SLC12A1: variants seen among roughly 807,000 people sequenced by gnomAD.
SLC12A1 encodes solute carrier family 12 member 1.
A neutral mutation model predicts 130.4 loss-of-function variants in SLC12A1; 89 were observed. The ratio of observed to expected loss-of-function variants is 0.68; its 90% CI spans 0.58 to 0.81. The LOEUF (loss-of-function observed/expected upper bound fraction) is 0.81, where lower values mean the gene tolerates loss of function less well. Ranked by LOEUF, SLC12A1 falls within the 40% of genes least tolerant of loss-of-function variation. The pLI, the probability that SLC12A1 is intolerant of heterozygous loss-of-function variation, is 0.00. For missense variants in SLC12A1, 1,310 were observed against 1,336.4 expected (o/e 0.98, Z 0.31); for synonymous variants, 499 against 460.0 (o/e 1.08, Z -1.09).
Position 48,226,525 on chromosome 15 carries a change from T to C in SLC12A1, c.678T>C (p.Thr226=), listed in dbSNP as rs1342609346. 1 of 1,610,172 alleles carries C rather than the reference T, an allele frequency of 6.2e-7. No homozygotes were observed. The highest frequency in any genetic ancestry group is 2.2e-5 in the East Asian group (1 of 44,772). The change falls in exon 5 of 27, where the codon ACT becomes ACC. Residue 226 remains threonine (T), a synonymous_variant. Transcript: ENST00000380993. ...ILLSTMVTSI[T]GLSTSAIATN... ...TTTCCACCATGGTAACTTCTATTAC[T>C]GGGTTGTCAACTTCTGCGATAGCAA... is the stretch of plus-strand genomic sequence containing the variant.
At chr15:48,209,788 C>A (rs1447230590) in intron 2 of SLC12A1, among the ~76,000 whole-genome samples, 1 of 152,146 alleles carries the variant, frequency 6.6e-6, no homozygotes, top group African/African-American at 2.4e-5. Flanking sequence ...GGTCCTACCA[C>A]CAGAGACCAA....
chr15:48,262,783 A>C (rs1315747190), intron 17 of SLC12A1, among the ~76,000 whole-genome samples: 3 of 152,240 alleles, frequency 2.0e-5, no homozygotes, highest in Admixed American at 2.0e-4. Flanking sequence ...CACCATAGGA[A>C]GACAGAGGGA....
intron 24 of SLC12A1, among the ~76,000 whole-genome samples, chr15:48,292,084 G>A (rs2042127923): frequency 6.6e-6 from 1 of 152,236 alleles, no homozygotes. Flanking sequence ...AGGGAGAATT[G>A]TTGAAACAGA....
intron 19 of SLC12A1, among the ~76,000 whole-genome samples, 178 bp from the exon 20 acceptor site, chr15:48,274,393 A>T (rs1205062561): frequency 1.3e-5 from 2 of 152,252 alleles, no homozygotes; most frequent in Non-Finnish European, 2.9e-5. Context: ...AATATACTTT[A>T]AAAACGCATA....
chr15:48,301,505 G>GGGGA (rs2042232770), intron 26 of SLC12A1, 123 bp downstream of exon 26: 1 of 553,314 alleles, frequency 1.8e-6, no homozygotes, highest in South Asian at 2.5e-5. Flanking sequence ...TTTTTTTTGG[G>GGGGA]GGGGGGAACA....
intron 17 of SLC12A1, among the ~76,000 whole-genome samples, chr15:48,264,831 T>G (rs572876042): frequency 1.3e-5 from 2 of 152,314 alleles, no homozygotes; most frequent in South Asian, 4.1e-4. Flanking sequence ...TTTTTCATGA[T>G]AGTCACGTAT....
At chr15:48,277,155 G>A (rs2041961926) in intron 20 of SLC12A1, among the ~76,000 whole-genome samples, 1 of 151,964 alleles carries the variant, frequency 6.6e-6, no homozygotes, top group African/African-American at 2.4e-5. Flanking sequence ...ATCTCTGGGA[G>A]ATCAAATCAT....
intron 23 of SLC12A1, among the ~76,000 whole-genome samples, chr15:48,289,394 C>T (rs985163204): frequency 2.7e-5 from 3 of 112,896 alleles, no homozygotes; most frequent in African/African-American, 7.6e-5. Context: ...GTGAATGTGA[C>T]ATATATATAT....
intron 17 of SLC12A1, among the ~76,000 whole-genome samples, chr15:48,260,018 A>G (rs1267052471): frequency 6.6e-6 from 1 of 152,176 alleles, no homozygotes; most frequent in Non-Finnish European, 1.5e-5. Flanking sequence ...CTGTAATCCC[A>G]GCGCTTTGGG....
At chr15:48,223,597 G>T (rs550284937) in intron 4 of SLC12A1, 1 of 152,176 alleles carries the variant, frequency 6.6e-6, no homozygotes, top group Non-Finnish European at 1.5e-5. Context: ...AAATAATAAG[G>T]TTGGAGTAGG....
chr15:48,213,345 T>A (rs550949810), intron 2 of SLC12A1, among the ~76,000 whole-genome samples: 3 of 152,308 alleles, frequency 2.0e-5, no homozygotes, highest in African/African-American at 7.2e-5. Flanking sequence ...CAGTCCTTTT[T>A]TCTGAGACTG....
intron 2 of SLC12A1, among the ~76,000 whole-genome samples, chr15:48,220,095 C>A (rs2041182620): frequency 1.8e-5 from 2 of 112,168 alleles, no homozygotes; most frequent in South Asian, 2.8e-4. Context: ...AGTGACACAG[C>A]AAGACTCTGC....
At chr15:48,252,191 G>A (rs10152385) in intron 15 of SLC12A1, among the ~76,000 whole-genome samples, 10,192 of 152,154 alleles carry the variant, frequency 0.067, 828 homozygotes, top group African/African-American at 0.19. Flanking sequence ...CAACAAGAGC[G>A]AAACTCTGTC....
chr15:48,286,164 T>G (rs1253922983), intron 21 of SLC12A1, among the ~76,000 whole-genome samples: 2 of 152,158 alleles, frequency 1.3e-5, no homozygotes, highest in Non-Finnish European at 2.9e-5. Context: ...GTAAATCGTT[T>G]GTCTGTTTGC....
At chr15:48,293,955 T>A (rs1319157903) in intron 24 of SLC12A1, among the ~76,000 whole-genome samples, 4 of 151,208 alleles carry the variant, frequency 2.6e-5, no homozygotes, top group Admixed American at 2.6e-4. Context: ...GGTGAGATCA[T>A]GTGAACCTGG....
intron 21 of SLC12A1, among the ~76,000 whole-genome samples, chr15:48,287,794 TA>T (rs1328581302): frequency 2.6e-5 from 4 of 152,234 alleles, no homozygotes; most frequent in South Asian, 4.1e-4. Flanking sequence ...TGTCTTTTAA[TA>T]AAAACTATTA....
At chr15:48,242,255 T>C (rs992568838) in intron 10 of SLC12A1, among the ~76,000 whole-genome samples, 1 of 152,220 alleles carries the variant, frequency 6.6e-6, no homozygotes, top group Non-Finnish European at 1.5e-5. Context: ...CCTCATACTT[T>C]TTCCATAGTA....
Position 48,303,043 on chromosome 15 carries a change from C to A in SLC12A1, c.*158C>A, listed in dbSNP as rs7163846. The A allele has an allele frequency of 1.9e-6, 1 of 533,348 alleles. No individual in the cohort carries two copies. Among genetic ancestry groups the A allele is most frequent in the Non-Finnish European group, 3.1e-6 (1 of 326,290 alleles). 33.0% of individuals were successfully genotyped at this position (533,348 alleles called of 1,614,324 possible). A position where few individuals can be genotyped will look rare whatever the true frequency, so the allele number is the denominator to read the frequency against. ...ATTGCATAATTTTTATCAGTTAATGCGAGCTTTTTTTTCTCTTCTCAGCTT... is the reference window on the plus strand; with the variant it reads ...ATTGCATAATTTTTATCAGTTAATGAGAGCTTTTTTTTCTCTTCTCAGCTT... On this transcript the variant is annotated 3_prime_UTR_variant, in exon 27 of 27. Coordinates refer to ENST00000380993, the MANE Select transcript of SLC12A1 (RefSeq NM_000338.3).
Position 48,226,531 on chromosome 15 carries a change from G to A in SLC12A1, c.684G>A (p.Leu228=). ...LSTMVTSITG[L]STSAIATNGF... ...CCATGGTAACTTCTATTACTGGGTT[G>A]TCAACTTCTGCGATAGCAACTAACG... Residue 228 remains leucine, a synonymous_variant, in exon 5 of 27, where the codon TTG becomes TTA. Transcript: ENST00000380993. 6.2e-7 allele frequency: 1 copy of A among 1,610,494 alleles called. No homozygotes were observed. The highest frequency in any genetic ancestry group is 8.5e-7 in the Non-Finnish European group (1 of 1,178,406).
Sources: gnomAD v4.1 joint callset for allele counts (sites outside exome capture counted in the v4.1 genomes callset) on GRCh38, gnomAD v4.1.1 for gene constraint, MANE v1.5 for transcripts, NCBI Gene and HGNC (gene_info 2026-07-23, HGNC 2026-07-21) for gene names.